Variants in CWC27 observed in about 807,000 individuals in gnomAD.
The protein encoded by CWC27 is spliceosome-associated protein CWC27 homolog.
In CWC27, 47 loss-of-function variants were observed where a neutral mutation model predicts 63.6. The ratio of observed to expected loss-of-function variants is 0.74; its 90% CI spans 0.58 to 0.94. The LOEUF (loss-of-function observed/expected upper bound fraction) is 0.94. Ranked by LOEUF, CWC27 falls within the 40% of genes least tolerant of loss-of-function variation. CWC27 has a pLI of 0.00. For missense variants in CWC27, 495 were observed against 554.3 expected (o/e 0.89, Z 1.07); for synonymous variants, 175 against 179.8 (o/e 0.97, Z 0.22).
In CWC27 at chr5:65,006,668, G is replaced by A. The variant is rs572647983; in HGVS notation, c.1257-11491G>A. Among the ~76,000 whole-genome samples the A allele has an allele frequency of 4.6e-5, 7 of 151,950 alleles. 1 individual carries two copies. The East Asian group carries it at 1.4e-3, about 29-fold the overall frequency. On this transcript the variant is annotated intron_variant, in intron 13 of 13. Coordinates refer to ENST00000381070, the MANE Select transcript of CWC27 (RefSeq NM_005869.4). ...AAATAAAAATACCAGTAGAAGGAGG[G>A]AGAGAAACATGCAAACAAATATAGC...
intron 11 of CWC27, among the ~76,000 whole-genome samples, chr5:64,969,051 C>CA (rs950349691): frequency 5.3e-5 from 8 of 152,164 alleles, no homozygotes; most frequent in African/African-American, 1.9e-4. Flanking sequence ...ACTTTTTAAA[C>CA]ATTTTCCTAC....
At chr5:64,979,984 A>G (rs866882918) in intron 13 of CWC27, among the ~76,000 whole-genome samples, 2,654 of 151,272 alleles carry the variant, frequency 0.018, 43 homozygotes, top group Non-Finnish European at 0.027. Context: ...AAAAAAAAAA[A>G]AGAGAGAGGG....
intron 11 of CWC27, among the ~76,000 whole-genome samples, chr5:64,910,692 G>T (rs893616645): frequency 6.6e-6 from 1 of 152,166 alleles, no homozygotes; most frequent in Non-Finnish European, 1.5e-5. Flanking sequence ...CTGCTGCCTC[G>T]CAGGTCAGTC....
At chr5:64,876,174 T>A (rs577527727) in intron 10 of CWC27, among the ~76,000 whole-genome samples, 4 of 152,236 alleles carry the variant, frequency 2.6e-5, no homozygotes, top group African/African-American at 9.6e-5. Context: ...TTTGGCACTT[T>A]TTGAAATATG....
intron 13 of CWC27, among the ~76,000 whole-genome samples, chr5:64,987,937 A>G (rs962533287): frequency 2.0e-5 from 3 of 152,264 alleles, no homozygotes; most frequent in South Asian, 2.1e-4. Flanking sequence ...GATGTTGGCT[A>G]TGCTTCTTGA....
intron 11 of CWC27, among the ~76,000 whole-genome samples, chr5:64,893,062 C>T (rs1432917240): frequency 1.3e-5 from 2 of 152,134 alleles, no homozygotes; most frequent in East Asian, 1.9e-4. Flanking sequence ...TATGTGTGTG[C>T]GCACATATGC....
intron 4 of CWC27, 116 bp from the exon 5 acceptor site, chr5:64,785,365 T>C (rs1379332891): frequency 2.1e-6 from 1 of 475,162 alleles, no homozygotes; most frequent in Non-Finnish European, 3.6e-6. Context: ...CATATATTTT[T>C]ATGTAATCAC....
At chr5:64,823,214 C>G (rs955596565) in intron 10 of CWC27, among the ~76,000 whole-genome samples, 2 of 152,112 alleles carry the variant, frequency 1.3e-5, no homozygotes, top group Admixed American at 6.5e-5. Context: ...CCATTGATGG[C>G]CTGTGATTAT....
chr5:64,869,934 T>C (rs988953312), intron 10 of CWC27, among the ~76,000 whole-genome samples: 1 of 152,028 alleles, frequency 6.6e-6, no homozygotes, highest in Non-Finnish European at 1.5e-5. Flanking sequence ...TCCTTACTGA[T>C]TCCTTGCCTC....
At chr5:64,819,981 A>G (rs902046161) in intron 10 of CWC27, among the ~76,000 whole-genome samples, 2 of 152,224 alleles carry the variant, frequency 1.3e-5, no homozygotes, top group African/African-American at 4.8e-5. Flanking sequence ...AAAAACCCCT[A>G]CTAAATAATT....
intron 11 of CWC27, among the ~76,000 whole-genome samples, chr5:64,889,264 A>G (rs1204276619): frequency 1.3e-5 from 2 of 152,184 alleles, no homozygotes; most frequent in Non-Finnish European, 2.9e-5. Flanking sequence ...TAAGGTCTAT[A>G]GTTAGTTAAT....
chr5:64,785,359 TA>T lies in CWC27; in HGVS notation c.397-121del, dbSNP rs1326975757. ...CTTTATTTGCATTATTAAATGCATA[TA>T]TTTTTATGTAATCACATGAAATTTT... is the stretch of plus-strand genomic sequence containing the variant. On this transcript the variant is annotated intron_variant, in intron 4 of 13. Coordinates refer to ENST00000381070, the MANE Select transcript of CWC27 (RefSeq NM_005869.4). 3.5e-5 allele frequency: 16 copies of T among 457,994 alleles called. No homozygotes were observed. In the Admixed American group the frequency reaches 4.0e-4, roughly 11 times the overall value. 28.4% of individuals were successfully genotyped at this position (457,994 alleles called of 1,614,324 possible).
At position 64,911,849 on chromosome 5, in the gene CWC27, C is replaced by T. The variant is rs1171557413; in HGVS notation, c.1042+26303C>T. Among the ~76,000 whole-genome samples the T allele has an allele frequency of 4.0e-5, 6 of 151,828 alleles. 1 individual carries two copies. The South Asian group carries it at 1.0e-3, about 26-fold the overall frequency. On this transcript the variant is annotated intron_variant, in intron 11 of 13. Transcript: ENST00000381070. ...CAGCACTTTGGGAGGCCGAGGTGGG[C>T]GGATCACAAGGTCAGGAGATGGAGA...
chr5:64,811,417 T>C (rs1744875300), intron 10 of CWC27, among the ~76,000 whole-genome samples: 2 of 152,126 alleles, frequency 1.3e-5, no homozygotes, highest in African/African-American at 4.8e-5. Context: ...CTATCTTTTA[T>C]TGTGCAATTT....
chr5:64,996,502 G>A lies in CWC27; in HGVS notation c.1256+19264G>A, dbSNP rs541297721. Reference sequence around the variant, plus strand: ...GAAACTCTTACTGAGCATTTACAAAGCACCAATCTCCTTTAAACCTATAAG... The same window carrying A: ...GAAACTCTTACTGAGCATTTACAAAACACCAATCTCCTTTAAACCTATAAG... On this transcript the variant is annotated intron_variant, in intron 13 of 13. Transcript: ENST00000381070. 3.3e-5 allele frequency among the ~76,000 whole-genome samples: 5 copies of A among 152,214 alleles called. No homozygotes were observed. In the South Asian group the frequency reaches 1.0e-3, roughly 32 times the overall value.
chr5:64,929,981 G>A (rs1370507231), intron 11 of CWC27, among the ~76,000 whole-genome samples: 1 of 146,820 alleles, frequency 6.8e-6, no homozygotes, highest in Non-Finnish European at 1.5e-5. Flanking sequence ...AGACAAAACA[G>A]CCTAAACAAA....
At chr5:64,977,062 C>A (rs907529989) in intron 12 of CWC27, 73 bp from the exon 13 acceptor site, 3 of 883,032 alleles carry the variant, frequency 3.4e-6, no homozygotes, top group African/African-American at 3.5e-5. Context: ...TCCTTTTCTA[C>A]CAAACTTAAG....
At chr5:64,839,469 G>A (rs968489045) in intron 10 of CWC27, among the ~76,000 whole-genome samples, 22 of 152,162 alleles carry the variant, frequency 1.4e-4, no homozygotes, top group African/African-American at 5.3e-4. Flanking sequence ...TAATGGAATA[G>A]GTAGCATTTA....
At chr5:64,951,211 T>C (rs1029072673) in intron 11 of CWC27, among the ~76,000 whole-genome samples, 6 of 151,914 alleles carry the variant, frequency 3.9e-5, no homozygotes, top group South Asian at 2.1e-4. Context: ...AGAGTTCTAG[T>C]TGCATCAAAT....
Sources: allele counts gnomAD v4.1 joint callset (sites outside exome capture counted in the v4.1 genomes callset), GRCh38; gene constraint gnomAD v4.1.1; transcripts MANE v1.5; gene names NCBI Gene and HGNC (gene_info 2026-07-23, HGNC 2026-07-21).